Variants in VWA8 observed in about 807,000 individuals in gnomAD.
VWA8 encodes von Willebrand factor A domain-containing protein 8.
A neutral mutation model predicts 241.5 loss-of-function variants in VWA8; 221 were observed. The ratio of observed to expected loss-of-function variants is 0.91; its 90% confidence interval spans 0.82 to 1.02. VWA8 has a LOEUF of 1.02. Ranked by LOEUF, VWA8 falls within the 50% of genes least tolerant of loss-of-function variation. The pLI, the probability that VWA8 is intolerant of heterozygous loss-of-function variation, is 0.00. For missense variants in VWA8, 2,322 were observed against 2,328.7 expected, an observed-to-expected ratio of 1.00 and a Z score of 0.06; for synonymous variants, 852 against 827.1, an observed-to-expected ratio of 1.03 and a Z score of -0.52.
intron 21 of VWA8, among the ~76,000 whole-genome samples, chr13:41,741,991 G>A (rs1208207481): frequency 6.6e-6 from 1 of 152,192 alleles, no homozygotes; most frequent in African/African-American, 2.4e-5. Context: ...TAGAAAGTAT[G>A]TCTAGGCAGA....
chr13:41,820,548 C>A (rs887360424), intron 14 of VWA8, among the ~76,000 whole-genome samples: 1 of 152,108 alleles, frequency 6.6e-6, no homozygotes, highest in Non-Finnish European at 1.5e-5. Flanking sequence ...CATGAAAGGC[C>A]TAGATGAAAT....
intron 14 of VWA8, 26 bp from the exon 15 acceptor site, chr13:41,819,412 AAAT>A: frequency 6.3e-7 from 1 of 1,586,948 alleles, no homozygotes; most frequent in Non-Finnish European, 8.5e-7. Context: ...AAATGAAAAA[AAAT>A]AACATATCTT....
At chr13:41,582,414 C>G (rs770511843) in intron 42 of VWA8, among the ~76,000 whole-genome samples, 2 of 152,124 alleles carry the variant, frequency 1.3e-5, no homozygotes, top group Non-Finnish European at 2.9e-5. Context: ...AGGCCAGCGG[C>G]TTCTGAAGGT....
intron 29 of VWA8, among the ~76,000 whole-genome samples, chr13:41,697,858 A>C (rs975470789): frequency 1.3e-5 from 2 of 151,944 alleles, no homozygotes; most frequent in African/African-American, 4.8e-5. Flanking sequence ...ACTCCAACCC[A>C]CAGTGTAACC....
chr13:41,865,270 T>C, intron 12 of VWA8: 1 of 369,576 alleles, frequency 2.7e-6, no homozygotes, highest in South Asian at 2.0e-5. Context: ...AAAATTAGGG[T>C]AATTAAGGTG....
intron 37 of VWA8, among the ~76,000 whole-genome samples, chr13:41,619,438 T>C (rs2044642691): frequency 6.6e-6 from 1 of 152,174 alleles, no homozygotes; most frequent in African/African-American, 2.4e-5. Flanking sequence ...GACTTCCTCT[T>C]TTCCTGATTG....
intron 19 of VWA8, among the ~76,000 whole-genome samples, chr13:41,783,330 CTGTCTTA>C (rs1868979187): frequency 6.6e-6 from 1 of 151,354 alleles, no homozygotes; most frequent in Non-Finnish European, 1.5e-5. Context: ...TTTCTGTTTT[CTGTCTTA>C]TGTCTTAATA....
chr13:41,677,589 C>T (rs1245085965), intron 35 of VWA8, among the ~76,000 whole-genome samples: 2 of 152,154 alleles, frequency 1.3e-5, no homozygotes, highest in African/African-American at 4.8e-5. Flanking sequence ...CACCACTCCA[C>T]ACAACTTCTA....
At chr13:41,598,603 G>A (rs2044502581) in intron 40 of VWA8, among the ~76,000 whole-genome samples, 1 of 151,692 alleles carries the variant, frequency 6.6e-6, no homozygotes, top group Non-Finnish European at 1.5e-5. Context: ...CTTTTAAAAG[G>A]GTGCTTAAGA....
At chr13:41,672,218 G>A (rs956952670) in intron 36 of VWA8, among the ~76,000 whole-genome samples, 1 of 152,108 alleles carries the variant, frequency 6.6e-6, no homozygotes, top group Admixed American at 6.6e-5. Context: ...AGAAAGTTAC[G>A]TGACTCTATA....
At chr13:41,900,802 G>A (rs186961797) in intron 4 of VWA8, among the ~76,000 whole-genome samples, 67 of 152,112 alleles carry the variant, frequency 4.4e-4, no homozygotes, top group South Asian at 1.5e-3. Flanking sequence ...AAATAGCTAC[G>A]GTGTAAAAGT....
intron 34 of VWA8, among the ~76,000 whole-genome samples, chr13:41,687,230 T>C (rs533797781): frequency 1.3e-5 from 2 of 152,268 alleles, no homozygotes; most frequent in African/African-American, 2.4e-5. Flanking sequence ...TTTCTCTTTA[T>C]ATATCATGTC....
intron 21 of VWA8, 37 bp downstream of exon 21, chr13:41,761,085 ATTAAAT>A: frequency 6.3e-7 from 1 of 1,579,118 alleles, no homozygotes; most frequent in African/African-American, 1.4e-5. Flanking sequence ...GAAACAAATG[ATTAAAT>A]GAGATTTTTA....
chr13:41,623,403 T>C (rs1346369006), intron 37 of VWA8, among the ~76,000 whole-genome samples: 1 of 152,196 alleles, frequency 6.6e-6, no homozygotes, highest in Non-Finnish European at 1.5e-5. Context: ...TCCTTATAGT[T>C]AAGCCATTGT....
chr13:41,830,793 C>T (rs1299434011), intron 13 of VWA8, 151 bp from the exon 14 acceptor site: 8 of 609,030 alleles, frequency 1.3e-5, no homozygotes, highest in Non-Finnish European at 2.2e-5. Flanking sequence ...TTCAAATTGG[C>T]TACTGCTGTT....
At chr13:41,920,047 T>C (rs530147916) in intron 2 of VWA8, among the ~76,000 whole-genome samples, 4 of 152,314 alleles carry the variant, frequency 2.6e-5, no homozygotes, top group Non-Finnish European at 5.9e-5. Flanking sequence ...GAGGCTGTAC[T>C]GCTCCCTGTC....
At chr13:41,926,790 T>A in intron 2 of VWA8, 1 of 550,324 alleles carries the variant, frequency 1.8e-6, no homozygotes, top group East Asian at 4.9e-5. Flanking sequence ...GAGAAAGCCC[T>A]GGGGGGTAAA....
intron 21 of VWA8, among the ~76,000 whole-genome samples, chr13:41,749,443 G>A (rs192728881): frequency 6.6e-6 from 1 of 151,690 alleles, no homozygotes; most frequent in Non-Finnish European, 1.5e-5. Flanking sequence ...GGAAGTCGGT[G>A]TGGCAATTCC....
chr13:41,837,052 G>C (rs923420738), intron 12 of VWA8, among the ~76,000 whole-genome samples: 1 of 140,468 alleles, frequency 7.1e-6, no homozygotes, highest in African/African-American at 2.8e-5. Context: ...TAGATAGATA[G>C]ATAGATAGAT....
Sources: allele counts gnomAD v4.1 joint callset (sites outside exome capture counted in the v4.1 genomes callset), GRCh38; gene constraint gnomAD v4.1.1; transcripts MANE v1.5; gene names NCBI Gene and HGNC (gene_info 2026-07-23, HGNC 2026-07-21).